LARGE1: variants seen among roughly 807,000 people sequenced by gnomAD.
The protein encoded by LARGE1 is LARGE xylosyl- and glucuronyltransferase 1.
LARGE1 carries 43 observed loss-of-function variants against 87.6 expected under a neutral mutation model. That is an observed-to-expected ratio of 0.49 (90% CI 0.38 to 0.63). LARGE1 has a LOEUF of 0.63. Among genes scored for constraint, LARGE1 ranks in the 30% least tolerant of loss-of-function variants. The pLI is 0.00. For missense variants in LARGE1, 802 were observed against 1,000.2 expected (o/e 0.80, Z 2.67); for synonymous variants, 434 against 394.6 (o/e 1.10, Z -1.18).
At chr22:33,121,116 A>AC in the LARGE1 span, among the ~76,000 whole-genome samples, 3,102 of 151,854 alleles carry the variant, frequency 0.02, 47 homozygotes, top group South Asian at 0.041. Context: ...TGCCTCTAGG[A>AC]CCCCCTGTAT....
the LARGE1 span, among the ~76,000 whole-genome samples, chr22:33,095,875 C>A: frequency 6.6e-6 from 1 of 152,244 alleles, no homozygotes; most frequent in East Asian, 1.9e-4. Context: ...AATAGACCTA[C>A]CCGCGTGTTT....
At chr22:33,702,072 T>C (rs1416431248) in intron 2 of LARGE1, among the ~76,000 whole-genome samples, 1 of 152,190 alleles carries the variant, frequency 6.6e-6, no homozygotes, top group Non-Finnish European at 1.5e-5. Context: ...CTCCAATAAC[T>C]GTGGCTGCAT....
chr22:33,666,300 A>T (rs1410703847), intron 2 of LARGE1, among the ~76,000 whole-genome samples: 1 of 152,210 alleles, frequency 6.6e-6, no homozygotes, highest in Non-Finnish European at 1.5e-5. Flanking sequence ...CTATTATTAC[A>T]CTCAGAGGGC....
At chr22:33,628,126 G>A (rs1471659464) in intron 3 of LARGE1, among the ~76,000 whole-genome samples, 4 of 152,172 alleles carry the variant, frequency 2.6e-5, no homozygotes, top group Non-Finnish European at 5.9e-5. Flanking sequence ...AGATGCAAGA[G>A]AGGAATGAGA....
chr22:33,687,670 G>A (rs1016355474), intron 2 of LARGE1, among the ~76,000 whole-genome samples: 3 of 152,096 alleles, frequency 2.0e-5, no homozygotes, highest in African/African-American at 4.8e-5. Flanking sequence ...GTTATGTCAC[G>A]TGCTAGGGAA....
At chr22:33,142,417 C>T in the LARGE1 span, among the ~76,000 whole-genome samples, 1 of 152,154 alleles carries the variant, frequency 6.6e-6, no homozygotes, top group Non-Finnish European at 1.5e-5. Flanking sequence ...CTCAGACTAG[C>T]TGTGACATTG....
chr22:33,890,964 A>C (rs936668234), intron 1 of LARGE1, among the ~76,000 whole-genome samples: 8 of 152,046 alleles, frequency 5.3e-5, no homozygotes, highest in African/African-American at 1.9e-4. Flanking sequence ...AAAAACAAAC[A>C]TTTACAACTG....
At chr22:33,662,922 T>C (rs1409493874) in intron 2 of LARGE1, among the ~76,000 whole-genome samples, 1 of 152,222 alleles carries the variant, frequency 6.6e-6, no homozygotes, top group African/African-American at 2.4e-5. Flanking sequence ...CTGTCCTCCT[T>C]TTTCCTATCT....
At chr22:33,702,373 A>T (rs1457221156) in intron 2 of LARGE1, among the ~76,000 whole-genome samples, 2 of 152,190 alleles carry the variant, frequency 1.3e-5, no homozygotes, top group Non-Finnish European at 2.9e-5. Context: ...CCCAGTAGGG[A>T]CATTATTTAG....
chr22:33,235,219 T>C (rs1926193929), intron 11 of LARGE1, among the ~76,000 whole-genome samples: 1 of 152,098 alleles, frequency 6.6e-6, no homozygotes, highest in South Asian at 2.1e-4. Flanking sequence ...CAGGTTAAAT[T>C]TTAAGGGAAA....
intron 6 of LARGE1, among the ~76,000 whole-genome samples, chr22:33,501,977 G>C (rs555848838): frequency 6.6e-6 from 1 of 152,236 alleles, no homozygotes; most frequent in East Asian, 1.9e-4. Flanking sequence ...CAGATCACCT[G>C]AGGTCAGGAG....
the LARGE1 span, among the ~76,000 whole-genome samples, chr22:33,089,325 TTCTTCTTCTTC>T: frequency 6.8e-5 from 6 of 88,042 alleles, no homozygotes; most frequent in African/African-American, 3.2e-4. Flanking sequence ...TTCTTCTTTC[TTCTTCTTCTTC>T]TTCTTCTTCT....
chr22:33,524,750 TA>T (rs76544936), intron 6 of LARGE1, among the ~76,000 whole-genome samples: 6,889 of 93,944 alleles, frequency 0.073, 284 homozygotes, highest in African/African-American at 0.17. Flanking sequence ...TAGGTAAAGC[TA>T]AAAAAAAAAA....
chr22:33,555,721 G>C (rs2077655018), intron 6 of LARGE1, among the ~76,000 whole-genome samples: 1 of 152,076 alleles, frequency 6.6e-6, no homozygotes, highest in African/African-American at 2.4e-5. Context: ...CTGAGGTCAG[G>C]ATTTTGAGAC....
the LARGE1 span, among the ~76,000 whole-genome samples, chr22:33,111,496 C>A: frequency 6.6e-6 from 1 of 152,168 alleles, no homozygotes; most frequent in Non-Finnish European, 1.5e-5. Context: ...CAACTCCTGA[C>A]CTTCCCACCC....
intron 6 of LARGE1, among the ~76,000 whole-genome samples, chr22:33,502,231 C>T (rs2070481650): frequency 6.7e-6 from 1 of 149,600 alleles, no homozygotes; most frequent in South Asian, 2.1e-4. Flanking sequence ...CCTATCTGGA[C>T]AGGTGACACA....
intron 1 of LARGE1, among the ~76,000 whole-genome samples, chr22:33,801,040 C>A (rs2146077889): frequency 6.6e-6 from 1 of 152,200 alleles, no homozygotes; most frequent in Admixed American, 6.5e-5. Context: ...CAGTCTTTCC[C>A]ATGCTATTCT....
At position 33,789,327 on chromosome 22, in the gene LARGE1, A is replaced by G. The variant is rs188409563; in HGVS notation, c.-82-27769T>C. On this transcript the variant is annotated intron_variant, in intron 1 of 14. Coordinates refer to ENST00000397394, the MANE Select transcript of LARGE1 (RefSeq NM_133642.5). ...TTGAGATTTGGGAACCCCTGCCTGG[A>G]TTTCACAGGATGTATGGAAATGCCT... Among the ~76,000 whole-genome samples the G allele has an allele frequency of 7.5e-3, 1,141 of 152,300 alleles. 12 individuals are homozygous for G. Among genetic ancestry groups the G allele is most frequent in the African/African-American group, 0.027 (1,106 of 41,554 alleles).
At chr22:33,585,796 A>G (rs1296689889) in intron 5 of LARGE1, among the ~76,000 whole-genome samples, 1 of 152,318 alleles carries the variant, frequency 6.6e-6, no homozygotes, top group East Asian at 1.9e-4. Flanking sequence ...TAGCTGCACA[A>G]AGGGATGTAA....
Sources: gnomAD v4.1 joint callset for allele counts (sites outside exome capture counted in the v4.1 genomes callset) on GRCh38, gnomAD v4.1.1 for gene constraint, MANE v1.5 for transcripts, NCBI Gene and HGNC (gene_info 2026-07-23, HGNC 2026-07-21) for gene names.